The following ATM variants were observed in gnomAD, a reference collection of about 807,000 sequenced individuals.
ATM encodes the protein ATM serine/threonine kinase.
A neutral mutation model predicts 387.0 loss-of-function variants in ATM; 308 were observed. That is an observed-to-expected ratio of 0.80 (90% CI 0.73 to 0.87). The LOEUF is 0.87. Ranked by LOEUF, ATM falls within the 40% of genes least tolerant of loss-of-function variation. The probability of loss-of-function intolerance (pLI) is 0.00; values close to 1 mark genes in which losing one functional copy is unlikely to be tolerated. For synonymous variants in ATM, 1,156 were observed against 1,187.3 expected, an observed-to-expected ratio of 0.97 and a Z score of 0.54; for missense variants, 3,312 against 3,560.9, an observed-to-expected ratio of 0.93 and a Z score of 1.78.
At chr11:108,324,301 G>A (rs2085447041) in intron 45 of ATM, among the ~76,000 whole-genome samples, 1 of 152,056 alleles carries the variant, frequency 6.6e-6, no homozygotes, top group Non-Finnish European at 1.5e-5. Flanking sequence ...TTATCAAGGT[G>A]TCTTGGAACC....
At position 108,317,642 on chromosome 11, in the gene ATM, TATATATATATACACAC is replaced by T. The variant is rs1177264564; in HGVS notation, c.6347+123_6347+138del. On this transcript the variant is annotated intron_variant, in intron 43 of 62. Transcript: ENST00000675843. ...ATATATATATATATATATATATATA[TATATATATATACACAC>T]ACACACACACACACACTATATATAT... 5.7e-4 allele frequency: 98 copies of T among 170,988 alleles called. 1 individual carries two copies. The highest frequency in any genetic ancestry group is 4.7e-3 in the Middle Eastern group (2 of 428). The allele number at this position is 170,988 out of a possible 1,614,324, so 10.6% of individuals were successfully genotyped here. A position where few individuals can be genotyped will look rare whatever the true frequency, so the allele number is the denominator to read the frequency against.
intron 20 of ATM, 47 bp from the exon 21 acceptor site, chr11:108,272,485 T>C (rs2081634904): frequency 6.8e-7 from 1 of 1,477,444 alleles, no homozygotes; most frequent in Non-Finnish European, 9.5e-7. Context: ...TTCTGAGTGC[T>C]TTTATCAGAA....
chr11:108,294,862 T>C, intron 31 of ATM, 65 bp from the exon 32 acceptor site: 2 of 1,586,868 alleles, frequency 1.3e-6, no homozygotes, highest in Non-Finnish European at 8.6e-7. Flanking sequence ...TTTTTTCTTT[T>C]ATTAAGTTTT....
At chr11:108,300,999 C>T (rs1163069906) in intron 34 of ATM, among the ~76,000 whole-genome samples, 1 of 150,874 alleles carries the variant, frequency 6.6e-6, no homozygotes, top group Non-Finnish European at 1.5e-5. Context: ...TGGGCTCAAG[C>T]AGTCCTCCTG....
rs768241804 is a variant in ATM, at chr11:108,365,528, C to T, written c.*20C>T. The T allele has an allele frequency of 1.9e-6, 3 of 1,612,170 alleles. No homozygotes were observed. In the African/African-American group the frequency reaches 4.0e-5, roughly 22 times the overall value. The stretch of plus-strand genomic sequence containing the variant: ...GTGTGATCTTCAGTATATGAATTAC[C>T]CTTTCATTCAGCCTTTAGAAATTAT... On this transcript the variant is annotated 3_prime_UTR_variant, in exon 63 of 63. Coordinates refer to ENST00000675843, the MANE Select transcript of ATM (RefSeq NM_000051.4).
At chr11:108,304,158 AC>A (rs1419377929) in intron 36 of ATM, among the ~76,000 whole-genome samples, 1 of 152,184 alleles carries the variant, frequency 6.6e-6, no homozygotes, top group Non-Finnish European at 1.5e-5. Flanking sequence ...ACAAATAATT[AC>A]CCAAATTTTA....
rs4988005 is a variant in ATM at position 108,290,581 on chromosome 11, T to G, written c.4436+780T>G. On this transcript the variant is annotated intron_variant, in intron 29 of 62. Coordinates refer to ENST00000675843, the MANE Select transcript of ATM (RefSeq NM_000051.4). ...AGGAGGCAGAGGTTACAGGTTACAG[T>G]GAGCAAAGATTGTGCCACTACACTC... 6.7e-3 allele frequency: 889 copies of G among 133,344 alleles called. 5 individuals are homozygous for G. The highest frequency in any genetic ancestry group is 0.012 in the East Asian group (54 of 4,690). The allele number at this position is 133,344 out of a possible 1,614,324, so 8.3% of individuals were successfully genotyped here. A position where few individuals can be genotyped will look rare whatever the true frequency, so the allele number is the denominator to read the frequency against.
Position 108,289,121 on chromosome 11 carries a change from G to C in ATM, c.4236+18G>C, listed in dbSNP as rs187855238. The C allele has an allele frequency of 6.3e-7, 1 of 1,597,650 alleles. No individual in the cohort carries two copies. Among genetic ancestry groups the C allele is most frequent in the African/African-American group, 1.3e-5 (1 of 74,540 alleles). ...AAAGCCCTGTAAGTATACATGATGA[G>C]TTTAATAATAGAACATTCCTTCTTT... On this transcript the variant is annotated intron_variant, in intron 28 of 62. Coordinates refer to ENST00000675843, the MANE Select transcript of ATM (RefSeq NM_000051.4).
chr11:108,367,826 C>T lies in ATM; in HGVS notation c.*2318C>T, dbSNP rs754611629. ...TTTGCATTTCAAATTACAAACTTACCTTGGTGTATCTTTTTCTTACAAGCT... is the reference window on the plus strand; with the variant it reads ...TTTGCATTTCAAATTACAAACTTACTTTGGTGTATCTTTTTCTTACAAGCT... On this transcript the variant is annotated 3_prime_UTR_variant, in exon 63 of 63. Coordinates refer to ENST00000675843, the MANE Select transcript of ATM (RefSeq NM_000051.4). 1 of 208,506 alleles carries T rather than the reference C, an allele frequency of 4.8e-6. No homozygotes were observed. The highest frequency in any genetic ancestry group is 5.9e-5 in the Admixed American group (1 of 16,838). The allele number at this position is 208,506 out of a possible 1,614,324, so 12.9% of individuals were successfully genotyped here.
chr11:108,349,642 G>A (rs958193893), intron 59 of ATM, among the ~76,000 whole-genome samples: 2 of 152,106 alleles, frequency 1.3e-5, no homozygotes, highest in Admixed American at 6.6e-5. Flanking sequence ...CAGCCTGGGC[G>A]GCAGAGCAAG....
At chr11:108,278,976 A>C (rs2082083310) in intron 22 of ATM, among the ~76,000 whole-genome samples, 1 of 152,262 alleles carries the variant, frequency 6.6e-6, no homozygotes, top group South Asian at 2.1e-4. Flanking sequence ...ATTACTAAAA[A>C]AGGATAAAAG....
At chr11:108,274,325 A>AT (rs1462908713) in intron 22 of ATM, among the ~76,000 whole-genome samples, 3 of 139,614 alleles carry the variant, frequency 2.1e-5, no homozygotes, top group Non-Finnish European at 4.7e-5. Context: ...GGATTAATTG[A>AT]TTTTTTTGAA....
chr11:108,238,683 G>A (rs1021810825), intron 5 of ATM, among the ~76,000 whole-genome samples: 4 of 151,540 alleles, frequency 2.6e-5, no homozygotes, highest in Non-Finnish European at 4.4e-5. Flanking sequence ...ATGTTCTTTT[G>A]GATTTTCTTT....
chr11:108,281,303 G>T (rs2082220376), intron 24 of ATM, 135 bp downstream of exon 24: 1 of 897,346 alleles, frequency 1.1e-6, no homozygotes, highest in Admixed American at 2.2e-5. Flanking sequence ...TGGGAATATT[G>T]GAAAGCAGTT....
At chr11:108,314,723 A>C (rs1275608189) in intron 40 of ATM, among the ~76,000 whole-genome samples, 1 of 152,218 alleles carries the variant, frequency 6.6e-6, no homozygotes, top group Non-Finnish European at 1.5e-5. Flanking sequence ...ACTGTTGACC[A>C]GAAGCCCTAC....
chr11:108,362,785 T>G (rs1292289104), intron 61 of ATM, among the ~76,000 whole-genome samples: 1 of 123,850 alleles, frequency 8.1e-6, no homozygotes, highest in African/African-American at 3.1e-5. Context: ...AATATCACAC[T>G]CTGGGGACTG....
At chr11:108,358,761 C>T (rs2090347990) in intron 61 of ATM, among the ~76,000 whole-genome samples, 1 of 147,726 alleles carries the variant, frequency 6.8e-6, no homozygotes, top group Non-Finnish European at 1.5e-5. Context: ...ATTTTGTCAC[C>T]ACCAGGCCTA....
chr11:108,367,842 C>T lies in ATM; in HGVS notation c.*2334C>T, dbSNP rs3092839. 2.8e-4 allele frequency: 58 copies of T among 207,778 alleles called. No individual in the cohort carries two copies. Among genetic ancestry groups the T allele is most frequent in the African/African-American group, 1.2e-3 (52 of 43,994 alleles). 12.9% of individuals were successfully genotyped at this position (207,778 alleles called of 1,614,324 possible). A position where few individuals can be genotyped will look rare whatever the true frequency, so the allele number is the denominator to read the frequency against. On this transcript the variant is annotated 3_prime_UTR_variant, in exon 63 of 63. Coordinates refer to ENST00000675843, the MANE Select transcript of ATM (RefSeq NM_000051.4). ...CAAACTTACCTTGGTGTATCTTTTT[C>T]TTACAAGCTGCCTAAATGAATATTT...
intron 22 of ATM, among the ~76,000 whole-genome samples, chr11:108,275,329 G>A (rs2135594927): frequency 6.6e-6 from 1 of 152,258 alleles, no homozygotes; most frequent in Non-Finnish European, 1.5e-5. Flanking sequence ...GCCAGTCTCT[G>A]TCTTTTAACT....
Sources: allele counts gnomAD v4.1 joint callset (sites outside exome capture counted in the v4.1 genomes callset), GRCh38; gene constraint gnomAD v4.1.1; transcripts MANE v1.5; gene names NCBI Gene and HGNC (gene_info 2026-07-23, HGNC 2026-07-21).